ADD1: variants seen among roughly 807,000 people sequenced by gnomAD.
ADD1 encodes the protein alpha-adducin.
Under a neutral mutation model 80.5 loss-of-function variants are expected in ADD1, and 24 were observed. The ratio of observed to expected loss-of-function variants is 0.30; its 90% confidence interval spans 0.22 to 0.42. The LOEUF is 0.42. ADD1 is among the 10% of genes least tolerant of loss of function. ADD1 has a pLI of 1.00. For missense variants in ADD1, 948 were observed against 1,019.0 expected (o/e 0.93, Z 0.95); for synonymous variants, 373 against 393.8 (o/e 0.95, Z 0.63).
At chr4:2,921,408 G>A (rs1202586830) in intron 14 of ADD1, among the ~76,000 whole-genome samples, 1 of 152,182 alleles carries the variant, frequency 6.6e-6, no homozygotes, top group South Asian at 2.1e-4. Context: ...GATTACAGGC[G>A]TGAGCCACTG....
chr4:2,846,173 A>C (rs2108765290), intron 1 of ADD1, among the ~76,000 whole-genome samples: 1 of 152,338 alleles, frequency 6.6e-6, no homozygotes, highest in South Asian at 2.1e-4. Flanking sequence ...TAACAATTTC[A>C]ATCGATCCAC....
intron 1 of ADD1, among the ~76,000 whole-genome samples, chr4:2,869,261 A>G (rs1374649598): frequency 6.6e-6 from 1 of 152,166 alleles, no homozygotes; most frequent in Non-Finnish European, 1.5e-5. Context: ...GGGTGTGGGC[A>G]GGGCTGGTTC....
At position 2,915,039 on chromosome 4, in the gene ADD1, A is replaced by G. The variant is rs772668731; in HGVS notation, c.1947A>G (p.Glu649=). The G allele has an allele frequency of 1.9e-6, 3 of 1,610,684 alleles. No individual in the cohort carries two copies. Among genetic ancestry groups the G allele is most frequent in the Non-Finnish European group, 2.5e-6 (3 of 1,178,224 alleles). ...TGGAGAGGAAGCAGAAGGGCTCTGA[A>G]GGTGAGTGCTTGTGGTCCTGGGCAC... ...REVERKQKGS[E]ENLDEAREQK... The change falls in exon 14 of 16, where the codon GAA becomes GAG. Residue 649 remains glutamate, a splice_region_variant and synonymous_variant. Coordinates refer to ENST00000683351, the MANE Select transcript of ADD1 (RefSeq NM_001354761.2).
chr4:2,855,474 C>A (rs1411746629), intron 1 of ADD1, among the ~76,000 whole-genome samples: 3 of 150,980 alleles, frequency 2.0e-5, no homozygotes, highest in African/African-American at 4.9e-5. Context: ...TCTTAATATT[C>A]TTTTAGTGAT....
chr4:2,913,419 C>T (rs1738415892), intron 13 of ADD1, among the ~76,000 whole-genome samples: 1 of 152,182 alleles, frequency 6.6e-6, no homozygotes, highest in African/African-American at 2.4e-5. Context: ...AGCGCTAAGA[C>T]ATGGCAGACA....
chr4:2,883,480 T>C (rs1307430880), intron 3 of ADD1, among the ~76,000 whole-genome samples: 3 of 152,148 alleles, frequency 2.0e-5, no homozygotes, highest in African/African-American at 7.2e-5. Context: ...TCCCTTAGTC[T>C]TTCTTCTTTA....
In ADD1 at chr4:2,926,360, G is replaced by T. The variant is rs1256767054; in HGVS notation, c.2047+248G>T. 3 of 701,340 alleles carry T rather than the reference G, an allele frequency of 4.3e-6. No individual in the cohort carries two copies. The highest frequency in any genetic ancestry group is 7.8e-6 in the Non-Finnish European group (3 of 385,696). The allele number at this position is 701,340 out of a possible 1,614,324, so 43.4% of individuals were successfully genotyped here. A position where few individuals can be genotyped will look rare whatever the true frequency, so the allele number is the denominator to read the frequency against. ...GGGGTCGGAACCCACCATGGTTGCTGGTGTCCACGTTGCCCATTGCTCGCA... is the reference window on the plus strand; with the variant it reads ...GGGGTCGGAACCCACCATGGTTGCTTGTGTCCACGTTGCCCATTGCTCGCA... On this transcript the variant is annotated intron_variant, in intron 15 of 15. Transcript: ENST00000683351. This position sits in a 1 kb window ranked among gnomAD's most constrained non-coding sequence, Gnocchi z 5.0.
chr4:2,859,767 A>G (rs1445250044), intron 1 of ADD1, among the ~76,000 whole-genome samples: 6 of 152,290 alleles, frequency 3.9e-5, no homozygotes, highest in Non-Finnish European at 5.9e-5. Flanking sequence ...TTTCCTTTCC[A>G]GTGTCAGGCT....
chr4:2,909,440 T>G lies in ADD1; in HGVS notation c.1791+9T>G. 6.5e-7 allele frequency: 1 copy of G among 1,544,276 alleles called. No homozygotes were observed. Among genetic ancestry groups the G allele is most frequent in the South Asian group, 1.2e-5 (1 of 83,964 alleles). On this transcript the variant is annotated intron_variant, in intron 13 of 15. Coordinates refer to ENST00000683351, the MANE Select transcript of ADD1 (RefSeq NM_001354761.2). ...CTCTCTCTTTTAGAAAGGTACTCAC[T>G]GCCCTGTCCTCACTACCTGTCTATG...
At chr4:2,864,965 G>C (rs1729330258) in intron 1 of ADD1, among the ~76,000 whole-genome samples, 1 of 152,012 alleles carries the variant, frequency 6.6e-6, no homozygotes, top group Non-Finnish European at 1.5e-5. Context: ...AAAAATGTGT[G>C]TGTGTATATC....
At chr4:2,851,628 C>A (rs1027910150) in intron 1 of ADD1, among the ~76,000 whole-genome samples, 6 of 152,158 alleles carry the variant, frequency 3.9e-5, no homozygotes, top group Non-Finnish European at 7.4e-5. Context: ...CTTAAAAGGC[C>A]AACCTTGTTG....
At chr4:2,904,214 C>T (rs1259594833) in intron 9 of ADD1, among the ~76,000 whole-genome samples, 1 of 151,934 alleles carries the variant, frequency 6.6e-6, no homozygotes, top group Non-Finnish European at 1.5e-5. Context: ...AAAACTGAAC[C>T]CCCTGTATAA....
At chr4:2,855,915 A>G (rs1560144023) in intron 1 of ADD1, among the ~76,000 whole-genome samples, 1 of 151,680 alleles carries the variant, frequency 6.6e-6, no homozygotes, top group African/African-American at 2.4e-5. Context: ...TGTGTAGGCT[A>G]GTCTCAAACT....
chr4:2,894,508 CAAAAAA>C (rs898922221), intron 5 of ADD1, 68 bp from the exon 6 acceptor site: 15 of 1,092,014 alleles, frequency 1.4e-5, no homozygotes, highest in East Asian at 9.8e-5. Flanking sequence ...CAGACCCTAT[CAAAAAA>C]AAAAAAAAAA....
At chr4:2,901,603 ATGT>A (rs1736185830) in intron 9 of ADD1, 1 of 152,184 alleles carries the variant, frequency 6.6e-6, no homozygotes, top group Non-Finnish European at 1.5e-5. Flanking sequence ...GTTGGCATAT[ATGT>A]TGTTTGCTAA....
At chr4:2,913,057 A>G (rs1738355221) in intron 13 of ADD1, among the ~76,000 whole-genome samples, 2 of 152,014 alleles carry the variant, frequency 1.3e-5, no homozygotes, top group African/African-American at 2.4e-5. Flanking sequence ...TGTGTTGGCC[A>G]GGGTGGTCTT....
At chr4:2,923,172 C>T (rs898995047) in intron 14 of ADD1, among the ~76,000 whole-genome samples, 2 of 152,160 alleles carry the variant, frequency 1.3e-5, no homozygotes, top group Non-Finnish European at 2.9e-5. Flanking sequence ...GCATTCCAGG[C>T]GCCACTGGGG....
intron 1 of ADD1, among the ~76,000 whole-genome samples, chr4:2,857,267 C>T (rs1352383491): frequency 1.3e-5 from 2 of 152,122 alleles, no homozygotes; most frequent in African/African-American, 4.8e-5. Flanking sequence ...TGTATCTAAG[C>T]TGTTACTCAT....
intron 4 of ADD1, among the ~76,000 whole-genome samples, chr4:2,890,791 G>A (rs1734183796): frequency 6.6e-6 from 1 of 152,086 alleles, no homozygotes; most frequent in South Asian, 2.1e-4. Flanking sequence ...CTTATATCTT[G>A]TAAATACCCT....
Sources: allele counts gnomAD v4.1 joint callset (sites outside exome capture counted in the v4.1 genomes callset), GRCh38; gene constraint gnomAD v4.1.1; non-coding constraint Gnocchi (gnomAD v3.1); transcripts MANE v1.5; gene names NCBI Gene and HGNC (gene_info 2026-07-23, HGNC 2026-07-21).